ZNF385D: variants seen among roughly 807,000 people sequenced by gnomAD.
ZNF385D encodes the protein zinc finger protein 659.
In ZNF385D, 15 loss-of-function variants were observed where a neutral mutation model predicts 35.8. The ratio of observed to expected loss-of-function variants is 0.42; its 90% CI spans 0.28 to 0.64. The LOEUF (loss-of-function observed/expected upper bound fraction) is 0.64, where lower values mean the gene tolerates loss of function less well. ZNF385D is among the 30% of genes least tolerant of loss of function. The pLI, the probability that ZNF385D is intolerant of heterozygous loss-of-function variation, is 0.23. For missense variants in ZNF385D, 474 were observed against 494.6 expected (o/e 0.96, Z 0.39); for synonymous variants, 212 against 186.8 (o/e 1.13, Z -1.10).
At chr3:21,924,944 T>C (rs1263820436) in intron 3 of ZNF385D, among the ~76,000 whole-genome samples, 1 of 151,972 alleles carries the variant, frequency 6.6e-6, no homozygotes, top group African/African-American at 2.4e-5. Flanking sequence ...GCCAGCTAAT[T>C]CTAACAAGAC....
chr3:21,471,819 T>G (rs1022749301), intron 4 of ZNF385D, among the ~76,000 whole-genome samples: 1 of 152,094 alleles, frequency 6.6e-6, no homozygotes, highest in Non-Finnish European at 1.5e-5. Flanking sequence ...AGCATTAAAA[T>G]CTCAGAGAGA....
At chr3:21,841,878 T>C (rs1010961855) in intron 3 of ZNF385D, among the ~76,000 whole-genome samples, 1 of 151,652 alleles carries the variant, frequency 6.6e-6, no homozygotes, top group African/African-American at 2.4e-5. Context: ...TTCTATTCTT[T>C]CTCTAACAAG....
intron 7 of ZNF385D, 23 bp downstream of exon 7, chr3:21,423,940 G>C (rs752737197): frequency 6.3e-7 from 1 of 1,597,622 alleles, no homozygotes; most frequent in Admixed American, 1.7e-5. Context: ...ATAGAGGCTG[G>C]ACTCTTGCAA....
chr3:21,905,205 C>CAAAAAAAAAAAACAA (rs1699613454), intron 3 of ZNF385D, among the ~76,000 whole-genome samples: 1 of 69,730 alleles, frequency 1.4e-5, no homozygotes, highest in Non-Finnish European at 2.7e-5. Context: ...ACAAAAAATC[C>CAAAAAAAAAAAACAA]AAAAAAAAAA....
chr3:22,170,734 T>G (rs1313133796), intron 2 of ZNF385D, among the ~76,000 whole-genome samples: 1 of 152,144 alleles, frequency 6.6e-6, no homozygotes, highest in East Asian at 1.9e-4. Flanking sequence ...TAAAAAAATG[T>G]AAGTATCTAT....
At chr3:21,922,079 A>G (rs977140805) in intron 3 of ZNF385D, among the ~76,000 whole-genome samples, 1 of 152,156 alleles carries the variant, frequency 6.6e-6, no homozygotes, top group Non-Finnish European at 1.5e-5. Context: ...CTGATGAACC[A>G]AGGGGGTGAA....
intron 4 of ZNF385D, among the ~76,000 whole-genome samples, chr3:21,507,919 TA>T (rs1706901152): frequency 6.6e-6 from 1 of 152,240 alleles, no homozygotes. Context: ...GAGTTTTGTG[TA>T]AATTCAGTTT....
At chr3:21,435,574 G>C (rs886710252) in intron 5 of ZNF385D, among the ~76,000 whole-genome samples, 2 of 152,008 alleles carry the variant, frequency 1.3e-5, no homozygotes, top group Non-Finnish European at 2.9e-5. Context: ...CAAAATTCTT[G>C]ATAAACTCTA....
intron 2 of ZNF385D, among the ~76,000 whole-genome samples, chr3:22,279,566 A>G (rs1293210001): frequency 6.8e-6 from 1 of 146,080 alleles, no homozygotes; most frequent in Admixed American, 6.9e-5. Flanking sequence ...ATATGTACAT[A>G]TATATGTATA....
intron 3 of ZNF385D, among the ~76,000 whole-genome samples, chr3:21,813,458 A>C (rs2073019611): frequency 6.6e-6 from 1 of 152,194 alleles, no homozygotes; most frequent in African/African-American, 2.4e-5. Flanking sequence ...CCTTCAAAAA[A>C]GATTAGGTGA....
At chr3:21,841,524 C>A (rs187092531) in intron 3 of ZNF385D, among the ~76,000 whole-genome samples, 61 of 152,132 alleles carry the variant, frequency 4.0e-4, no homozygotes, top group African/African-American at 7.7e-4. Context: ...TTTATGAGCA[C>A]AATGATAATA....
chr3:21,672,153 C>A (rs2066595506), intron 1 of ZNF385D, among the ~76,000 whole-genome samples: 1 of 152,144 alleles, frequency 6.6e-6, no homozygotes, highest in Non-Finnish European at 1.5e-5. Context: ...CCATCCAGTT[C>A]CCATCTCTGT....
Position 21,414,153 on chromosome 3 carries a change from T to TA in ZNF385D, c.*7060dup, listed in dbSNP as rs1328469122. 2 of 152,008 alleles carry TA rather than the reference T, an allele frequency of 1.3e-5. No individual in the cohort carries two copies. The highest frequency in any genetic ancestry group is 2.9e-5 in the Non-Finnish European group (2 of 67,960). 9.4% of individuals were successfully genotyped at this position (152,008 alleles called of 1,614,324 possible). ...TAGGATATAACTTATTTTTCTCACC[T>TA]AGGCTTTTATTTAATAAAAATTGCT... On this transcript the variant is annotated 3_prime_UTR_variant, in exon 8 of 8. Coordinates refer to ENST00000281523, the MANE Select transcript of ZNF385D (RefSeq NM_024697.3).
intron 3 of ZNF385D, among the ~76,000 whole-genome samples, chr3:22,075,970 T>C (rs1700444559): frequency 6.6e-6 from 1 of 151,906 alleles, no homozygotes; most frequent in African/African-American, 2.4e-5. Context: ...TAATTCCCCA[T>C]GCCCAAAAGA....
At chr3:21,955,024 A>G (rs1445379596) in intron 3 of ZNF385D, among the ~76,000 whole-genome samples, 1 of 152,148 alleles carries the variant, frequency 6.6e-6, no homozygotes, top group East Asian at 1.9e-4. Context: ...ACTGACTTTT[A>G]ACTTTTATTG....
chr3:21,956,212 G>A (rs1305253132), intron 3 of ZNF385D, among the ~76,000 whole-genome samples: 2 of 150,918 alleles, frequency 1.3e-5, no homozygotes, highest in African/African-American at 2.4e-5. Context: ...AAAAAAAAGT[G>A]AAAGAAAGAA....
intron 1 of ZNF385D, among the ~76,000 whole-genome samples, chr3:21,736,707 A>G (rs1484694942): frequency 6.6e-6 from 1 of 152,226 alleles, no homozygotes; most frequent in Non-Finnish European, 1.5e-5. Context: ...AGTGAAATAG[A>G]GAAGTAGACT....
intron 3 of ZNF385D, among the ~76,000 whole-genome samples, chr3:22,089,233 AC>A (rs751646075): frequency 6.9e-4 from 105 of 152,328 alleles, no homozygotes; most frequent in Non-Finnish European, 1.3e-3. Flanking sequence ...TACTTTCTTC[AC>A]ATTATATTAC....
intron 3 of ZNF385D, among the ~76,000 whole-genome samples, chr3:22,153,940 ACT>A (rs1461353470): frequency 6.6e-6 from 1 of 151,764 alleles, no homozygotes; most frequent in African/African-American, 2.4e-5. Flanking sequence ...TCATGGTAGC[ACT>A]CTCTCCCTCT....
Sources: allele counts gnomAD v4.1 joint callset (sites outside exome capture counted in the v4.1 genomes callset), GRCh38; gene constraint gnomAD v4.1.1; transcripts MANE v1.5; gene names NCBI Gene and HGNC (gene_info 2026-07-23, HGNC 2026-07-21).